Variants in POLH observed in about 807,000 individuals in gnomAD.
The protein encoded by POLH is DNA polymerase eta transcript.
Under a neutral mutation model 73.6 loss-of-function variants are expected in POLH, and 53 were observed. The ratio of observed to expected loss-of-function variants is 0.72; its 90% CI spans 0.58 to 0.91. The LOEUF (loss-of-function observed/expected upper bound fraction) is 0.91, where lower values mean the gene tolerates loss of function less well. POLH is among the 40% of genes least tolerant of loss of function. POLH has a pLI of 0.00. For missense variants in POLH, 768 were observed against 865.4 expected (o/e 0.89, Z 1.41); for synonymous variants, 292 against 308.5 (o/e 0.95, Z 0.56).
At position 43,619,734 on chromosome 6, in the gene POLH, T is replaced by C. The variant is rs1337570806; in HGVS notation, c.*5177T>C. The stretch of plus-strand genomic sequence containing the variant: ...AAGATAAGTAAATTGTGGACAAAGC[T>C]TTCATCTCTATCAGCAGCTATAGAG... On this transcript the variant is annotated 3_prime_UTR_variant, in exon 11 of 11. Coordinates refer to ENST00000372236, the MANE Select transcript of POLH (RefSeq NM_006502.3). Among the ~76,000 whole-genome samples, 1 of 152,236 alleles carries C rather than the reference T, an allele frequency of 6.6e-6. No individual in the cohort carries two copies. Among genetic ancestry groups the C allele is most frequent in the African/African-American group, 2.4e-5 (1 of 41,460 alleles).
chr6:43,576,963 C>G (rs1763418862), intron 1 of POLH, among the ~76,000 whole-genome samples: 1 of 152,174 alleles, frequency 6.6e-6, no homozygotes, highest in African/African-American at 2.4e-5. Flanking sequence ...CGAGACCAGC[C>G]TCACCAACAT....
rs1768359994 is a variant in POLH, at chr6:43,616,490, G to C, written c.*1933G>C. ...TGTAATCCCAGGTACTCGGGAGACTGAGGCAGGAGAATTGCTTGAACCTGG... is the reference window on the plus strand; with the variant it reads ...TGTAATCCCAGGTACTCGGGAGACTCAGGCAGGAGAATTGCTTGAACCTGG... On this transcript the variant is annotated 3_prime_UTR_variant, in exon 11 of 11. Coordinates refer to ENST00000372236, the MANE Select transcript of POLH (RefSeq NM_006502.3). Among the ~76,000 whole-genome samples, 1 of 151,454 alleles carries C rather than the reference G, an allele frequency of 6.6e-6. No homozygotes were observed. Among genetic ancestry groups the C allele is most frequent in the Non-Finnish European group, 1.5e-5 (1 of 67,928 alleles).
chr6:43,599,813 A>T (rs1445124622), intron 5 of POLH, among the ~76,000 whole-genome samples: 1 of 151,402 alleles, frequency 6.6e-6, no homozygotes, highest in Non-Finnish European at 1.5e-5. Context: ...ATTAAAAATT[A>T]TATTTTTATA....
At chr6:43,584,205 T>G (rs1419642139) in intron 3 of POLH, among the ~76,000 whole-genome samples, 2 of 152,190 alleles carry the variant, frequency 1.3e-5, no homozygotes, top group Non-Finnish European at 2.9e-5. Context: ...TTTTTTAAGA[T>G]TCTAGTATCT....
chr6:43,620,414 T>A lies in POLH; in HGVS notation c.*5857T>A. The A allele has an allele frequency of 2.3e-6, 1 of 438,898 alleles. No individual in the cohort carries two copies. Among genetic ancestry groups the A allele is most frequent in the Non-Finnish European group, 4.4e-6 (1 of 226,184 alleles). The allele number at this position is 438,898 out of a possible 1,614,324, so 27.2% of individuals were successfully genotyped here. A position where few individuals can be genotyped will look rare whatever the true frequency, so the allele number is the denominator to read the frequency against. On this transcript the variant is annotated 3_prime_UTR_variant, in exon 11 of 11. Coordinates refer to ENST00000372236, the MANE Select transcript of POLH (RefSeq NM_006502.3). The stretch of plus-strand genomic sequence containing the variant: ...CATTCAGGGCTCAGCAGTGTTGGGG[T>A]TTCACTTGTCTCTAATCCTGAAGAG...
rs1554141842 is a variant in POLH at position 43,613,730 on chromosome 6, GACATC to G, written c.1318_1322del (p.Ile440GlnfsTer6). The G allele has an allele frequency of 6.2e-7, 1 of 1,613,644 alleles. No individual in the cohort carries two copies. The highest frequency in any genetic ancestry group is 1.7e-4 in the Middle Eastern group (1 of 6,050). Reference sequence around the variant, plus strand: ...TGCCTCTGCCCCTTCATCTTCTACAGACATCACCAGCTTCTTGAGCAGTGACCCAA... The same window carrying G: ...TGCCTCTGCCCCTTCATCTTCTACAGACCAGCTTCTTGAGCAGTGACCCAA... On this transcript the variant is annotated frameshift_variant, in exon 11 of 11. Coordinates refer to ENST00000372236, the MANE Select transcript of POLH (RefSeq NM_006502.3). LOFTEE classifies it high-confidence loss of function.
intron 2 of POLH, 59 bp from the exon 3 acceptor site, chr6:43,582,948 C>T (rs2307463): frequency 8.4e-6 from 12 of 1,428,880 alleles, no homozygotes; most frequent in East Asian, 2.3e-5. Flanking sequence ...TTAAATGTTA[C>T]TTGTTTTTGC....
rs547796656 is a variant in POLH, at chr6:43,601,855, C to G, written c.764+764C>G. Among the ~76,000 whole-genome samples, 4 of 151,988 alleles carry G rather than the reference C, an allele frequency of 2.6e-5. No individual in the cohort carries two copies. In the East Asian group the frequency reaches 5.8e-4, roughly 22 times the overall value. ...GGTGGATCACCTGAAGTCAGGAGTT[C>G]GAGACCAGCCTGGCCAACATGGTGA... On this transcript the variant is annotated intron_variant, in intron 6 of 10. Transcript: ENST00000372236.
At chr6:43,585,637 C>CTTTTTTTTTTTTTTTTTTTTTTTTTTTT (rs1208848737) in intron 3 of POLH, among the ~76,000 whole-genome samples, 4 of 107,432 alleles carry the variant, frequency 3.7e-5, no homozygotes, top group African/African-American at 2.2e-4. Flanking sequence ...TCTTTCTTTT[C>CTTTTTTTTTTTTTTTTTTTTTTTTTTTT]TTTTTTTTTT....
At chr6:43,579,914 TAAA>T (rs1561894552) in intron 1 of POLH, among the ~76,000 whole-genome samples, 2 of 137,374 alleles carry the variant, frequency 1.5e-5, no homozygotes, top group African/African-American at 3.1e-5. Context: ...TTTTTTTTTT[TAAA>T]TTTATTTTTT....
intron 7 of POLH, 56 bp downstream of exon 7, chr6:43,604,067 T>C: frequency 7.1e-7 from 1 of 1,417,810 alleles, no homozygotes; most frequent in South Asian, 1.2e-5. Flanking sequence ...TATATTCAAA[T>C]ATAGACAAAA....
intron 1 of POLH, among the ~76,000 whole-genome samples, chr6:43,581,696 G>A (rs1262727780): frequency 6.9e-6 from 1 of 145,536 alleles, no homozygotes; most frequent in Non-Finnish European, 1.5e-5. Context: ...GGCTGCGGTC[G>A]GTCGCGGCAG....
chr6:43,592,510 C>A (rs992897942), intron 4 of POLH, among the ~76,000 whole-genome samples: 1 of 150,738 alleles, frequency 6.6e-6, no homozygotes. Flanking sequence ...CTCCCGGGTT[C>A]ACGCCATTCT....
At chr6:43,603,196 G>A (rs543928855) in intron 6 of POLH, among the ~76,000 whole-genome samples, 107 of 151,276 alleles carry the variant, frequency 7.1e-4, no homozygotes, top group African/African-American at 2.5e-3. Context: ...GCACAATCTC[G>A]GCTCACTGTA....
rs370188563 is a variant in POLH, at chr6:43,594,805, A to G, written c.491-2891A>G. ...AATTATGTAACTTGTCCAAAGTCAC[A>G]TGGTCAGTAGGTTATGAAGCCAATA... On this transcript the variant is annotated intron_variant, in intron 4 of 10. Transcript: ENST00000372236. 7.2e-5 allele frequency among the ~76,000 whole-genome samples: 11 copies of G among 152,376 alleles called. No individual in the cohort carries two copies. In the East Asian group the frequency reaches 1.5e-3, roughly 21 times the overall value.
At position 43,614,713 on chromosome 6, in the gene POLH, T is replaced by C; in HGVS notation, c.*156T>C. On this transcript the variant is annotated 3_prime_UTR_variant, in exon 11 of 11. Transcript: ENST00000372236. ...TTAGGTGCTGAGTTACGGTCCCATCTCTTCACAGGCATGGATTCTAATCCC... is the reference window on the plus strand; with the variant it reads ...TTAGGTGCTGAGTTACGGTCCCATCCCTTCACAGGCATGGATTCTAATCCC... The C allele has an allele frequency of 4.6e-6, 3 of 648,832 alleles. No homozygotes were observed. In the South Asian group the frequency reaches 6.3e-5, roughly 14 times the overall value. 40.2% of individuals were successfully genotyped at this position (648,832 alleles called of 1,614,324 possible).
intron 1 of POLH, among the ~76,000 whole-genome samples, chr6:43,579,258 A>G (rs1480299018): frequency 6.6e-6 from 1 of 152,196 alleles, no homozygotes; most frequent in Non-Finnish European, 1.5e-5. Context: ...ATTTCAGAAG[A>G]GTTCCTACCC....
At chr6:43,599,731 G>A (rs1238690203) in intron 5 of POLH, among the ~76,000 whole-genome samples, 6 of 151,088 alleles carry the variant, frequency 4.0e-5, no homozygotes, top group Admixed American at 1.3e-4. Flanking sequence ...AGTTCTTAAC[G>A]AATCTCTCTA....
At position 43,597,757 on chromosome 6, in the gene POLH, C is replaced by A; in HGVS notation, c.552C>A (p.Thr184=). 1 of 1,613,966 alleles carries A rather than the reference C, an allele frequency of 6.2e-7. No individual in the cohort carries two copies. The highest frequency in any genetic ancestry group is 1.7e-4 in the Middle Eastern group (1 of 6,060). The change falls in exon 5 of 11, where the codon ACC becomes ACA. Residue 184 remains threonine (T), a synonymous_variant. Coordinates refer to ENST00000372236, the MANE Select transcript of POLH (RefSeq NM_006502.3). ...WLDSLQIDNL[T]SPDLQLTVGA... ...ATTCTCTTCAGATTGATAACCTCACCTCTCCAGACCTGCAGCTCACCGTGG... is the reference window on the plus strand; with the variant it reads ...ATTCTCTTCAGATTGATAACCTCACATCTCCAGACCTGCAGCTCACCGTGG...
Sources: gnomAD v4.1 joint callset for allele counts (sites outside exome capture counted in the v4.1 genomes callset) on GRCh38, gnomAD v4.1.1 for gene constraint, MANE v1.5 for transcripts, NCBI Gene and HGNC (gene_info 2026-07-23, HGNC 2026-07-21) for gene names.